The following IL3RA variants were observed in gnomAD, a reference collection of about 807,000 sequenced individuals.
The protein encoded by IL3RA is interleukin 3 receptor subunit alpha, also known as interleukin-3 receptor subunit alpha.
Under a neutral mutation model 52.3 loss-of-function variants are expected in IL3RA, and 73 were observed. The ratio of observed to expected loss-of-function variants is 1.40; its 90% CI spans 1.16 to 1.70. The LOEUF (loss-of-function observed/expected upper bound fraction) is 1.70, where lower values mean the gene tolerates loss of function less well. Among genes scored for constraint, IL3RA ranks in the 40% most tolerant of loss-of-function variants. The pLI is 0.00. For synonymous variants in IL3RA, 260 were observed against 194.0 expected (o/e 1.34, Z -2.83); for missense variants, 664 against 504.4 (o/e 1.32, Z -3.03).
In IL3RA at chrX:1,382,675, T is replaced by TC. The variant is rs1246244682; in HGVS notation, c.*210_*211insC. 2 of 599,236 alleles carry TC rather than the reference T, an allele frequency of 3.3e-6. No homozygotes were observed. The highest frequency in any genetic ancestry group is 3.8e-5 in the African/African-American group (2 of 53,308). The allele number at this position is 599,236 out of a possible 1,614,324, so 37.1% of individuals were successfully genotyped here. A position where few individuals can be genotyped will look rare whatever the true frequency, so the allele number is the denominator to read the frequency against. On this transcript the variant is annotated 3_prime_UTR_variant, in exon 12 of 12. Coordinates refer to ENST00000331035, the MANE Select transcript of IL3RA (RefSeq NM_002183.4). ...GTTTATTTCATGATAAAGTGATTTT[T>TC]TTTTTTTTAACCCACTCACTGGTCC...
At position 1,376,842 on chromosome X, in the gene IL3RA, C is replaced by G. The variant is rs2088777082; in HGVS notation, c.875-1817C>G. On this transcript the variant is annotated intron_variant, in intron 9 of 11. Coordinates refer to ENST00000331035, the MANE Select transcript of IL3RA (RefSeq NM_002183.4). ...CATAAAAAGGAGATGAGGACACAGA[C>G]ACACACGGAGGGACGACCCTGTGGG... is the stretch of plus-strand genomic sequence containing the variant. Among the ~76,000 whole-genome samples the G allele has an allele frequency of 2.7e-5, 2 of 73,204 alleles. 1 individual carries two copies. The highest frequency in any genetic ancestry group is 4.8e-5 in the Non-Finnish European group (2 of 41,458). The allele number at this position is 73,204 out of a possible 152,430, so 48.0% of individuals were successfully genotyped here.
At chrX:1,377,809 C>T (rs1473112820) in intron 9 of IL3RA, among the ~76,000 whole-genome samples, 2 of 147,496 alleles carry the variant, frequency 1.4e-5, no homozygotes, top group Admixed American at 6.8e-5. Flanking sequence ...CGTTTGAATC[C>T]GGGAGGCAGA....
chrX:1,354,270 A>G (rs2086441780), intron 6 of IL3RA, among the ~76,000 whole-genome samples: 1 of 152,086 alleles, frequency 6.6e-6, no homozygotes. Context: ...CAGGGGTTAG[A>G]GCTTCAGTGG....
At chrX:1,342,311 G>A (rs1379784476) in intron 2 of IL3RA, among the ~76,000 whole-genome samples, 11 of 151,500 alleles carry the variant, frequency 7.3e-5, no homozygotes, top group East Asian at 5.8e-4. Flanking sequence ...GATTACAGTC[G>A]CGCACCACCA....
chrX:1,348,068 C>T (rs28618208), intron 3 of IL3RA, among the ~76,000 whole-genome samples: 112,647 of 142,904 alleles, frequency 0.79, 44,912 homozygotes, highest in African/African-American at 0.93. Context: ...AAGTCTTGGC[C>T]GGGCACGGTG....
intron 9 of IL3RA, among the ~76,000 whole-genome samples, chrX:1,368,018 T>TA (rs1383350038): frequency 6.6e-6 from 1 of 151,916 alleles, no homozygotes; most frequent in African/African-American, 2.4e-5. Flanking sequence ...GGCCTTGTAA[T>TA]AAAGACCGAG....
chrX:1,356,665 G>T (rs1168949840), intron 7 of IL3RA, among the ~76,000 whole-genome samples: 1 of 151,818 alleles, frequency 6.6e-6, no homozygotes, highest in Non-Finnish European at 1.5e-5. Context: ...CCAGCTACTG[G>T]GGAGGCCGAG....
intron 8 of IL3RA, among the ~76,000 whole-genome samples, chrX:1,361,683 G>A (rs779328350): frequency 2.0e-5 from 3 of 150,622 alleles, no homozygotes; most frequent in Non-Finnish European, 4.4e-5. Flanking sequence ...AACCCGGGAG[G>A]CAGAGGTTGC....
At chrX:1,366,241 G>A (rs2088017824) in intron 9 of IL3RA, among the ~76,000 whole-genome samples, 1 of 40,150 alleles carries the variant, frequency 2.5e-5, no homozygotes, top group Admixed American at 2.2e-4. Flanking sequence ...TGAGCGGGGT[G>A]CGCGGGGTGA....
intron 4 of IL3RA, among the ~76,000 whole-genome samples, chrX:1,350,653 G>A (rs747586874): frequency 2.0e-5 from 3 of 149,506 alleles, no homozygotes; most frequent in South Asian, 4.2e-4. Context: ...TGTAATCCCA[G>A]CACTTTGGGA....
intron 1 of IL3RA, among the ~76,000 whole-genome samples, chrX:1,340,155 G>A (rs186891717): frequency 7.5e-6 from 1 of 132,476 alleles, no homozygotes; most frequent in East Asian, 2.4e-4. Flanking sequence ...TCGCTCTGTC[G>A]TCCAGGCTGG....
chrX:1,381,944 T>C (rs1225550007), intron 11 of IL3RA, among the ~76,000 whole-genome samples: 1 of 150,754 alleles, frequency 6.6e-6, no homozygotes, highest in Non-Finnish European at 1.5e-5. Context: ...TTTTGTTTTG[T>C]TTTGTTTGTT....
intron 8 of IL3RA, among the ~76,000 whole-genome samples, chrX:1,363,454 C>A (rs1369447316): frequency 6.6e-6 from 1 of 151,930 alleles, no homozygotes; most frequent in African/African-American, 2.4e-5. Flanking sequence ...GCGCCCGCCA[C>A]CGGGCCCGGC....
rs2085773303 is a variant in IL3RA, at chrX:1,347,092, CT to C, written c.184-1338del. 2.6e-5 allele frequency among the ~76,000 whole-genome samples: 4 copies of C among 151,276 alleles called. No homozygotes were observed. The South Asian group carries it at 8.3e-4, about 31-fold the overall frequency. On this transcript the variant is annotated intron_variant, in intron 3 of 11. Coordinates refer to ENST00000331035, the MANE Select transcript of IL3RA (RefSeq NM_002183.4). ...AAAAAGAAGGTGAATGAAGGAGAAC[CT>C]GCCTTACCTATATCAAAAGGCACTG... is the stretch of plus-strand genomic sequence containing the variant.
chrX:1,377,454 GC>G (rs1189345398), intron 9 of IL3RA, among the ~76,000 whole-genome samples: 3 of 151,970 alleles, frequency 2.0e-5, no homozygotes, highest in African/African-American at 7.2e-5. Context: ...TGTTGGCCAG[GC>G]TGGTCTCATA....
At chrX:1,359,725 T>C in intron 8 of IL3RA, among the ~76,000 whole-genome samples, 1 of 149,660 alleles carries the variant, frequency 6.7e-6, no homozygotes. Context: ...CCTGTCTCTC[T>C]CTCCCCGTTC....
intron 8 of IL3RA, among the ~76,000 whole-genome samples, chrX:1,364,321 G>A (rs2087739265): frequency 1.3e-5 from 2 of 150,892 alleles, no homozygotes; most frequent in African/African-American, 2.4e-5. Context: ...GAGAAACCCC[G>A]ACTCTACTAA....
In IL3RA at chrX:1,365,152, C is replaced by G; in HGVS notation, c.774C>G (p.Thr258=). The G allele has an allele frequency of 6.2e-7, 1 of 1,609,700 alleles. No homozygotes were observed. Among genetic ancestry groups the G allele is most frequent in the Non-Finnish European group, 8.5e-7 (1 of 1,177,642 alleles). ...PVITEQVRDR[T]SFQLLNPGTY... ...TCAAACCACAGGTCAGAGACAGAAC[C>G]TCCTTCCAGCTACTCAATCCTGGAA... Residue 258 remains threonine (T), a synonymous_variant, in exon 9 of 12, where the codon ACC becomes ACG. Transcript: ENST00000331035.
rs1431906506 is a variant in IL3RA, at chrX:1,365,230, C to T, written c.852C>T (p.Ala284=). The T allele has an allele frequency of 6.2e-7, 1 of 1,608,670 alleles. No homozygotes were observed. Among genetic ancestry groups the T allele is most frequent in the East Asian group, 2.2e-5 (1 of 44,730 alleles). The change falls in exon 9 of 12, where the codon GCC becomes GCT. Residue 284 remains alanine, a synonymous_variant. Transcript: ENST00000331035. ...AAAGAGTGTATGAATTCTTGAGCGC[C>T]TGGAGCACCCCCCAGCGCTTCGGTG... The part of the protein sequence containing the change: ...ARERVYEFLS[A]WSTPQRFECD...
Sources: gnomAD v4.1 joint callset for allele counts (sites outside exome capture counted in the v4.1 genomes callset) on GRCh38, gnomAD v4.1.1 for gene constraint, MANE v1.5 for transcripts, NCBI Gene and HGNC (gene_info 2026-07-23, HGNC 2026-07-21) for gene names.